The following SORCS3 variants were observed in gnomAD, a reference collection of about 807,000 sequenced individuals.
SORCS3 encodes the protein VPS10 domain-containing receptor SorCS3.
SORCS3 carries 57 observed loss-of-function variants against 146.3 expected under a neutral mutation model. That is an observed-to-expected ratio of 0.39 (90% CI 0.31 to 0.49). The LOEUF is 0.49. SORCS3 is among the 20% of genes least tolerant of loss of function. The pLI is 0.92. For synonymous variants in SORCS3, 653 were observed against 618.5 expected (o/e 1.06, Z -0.83); for missense variants, 1,341 against 1,575.5 (o/e 0.85, Z 2.52).
At chr10:104,907,615 A>C (rs1423361424) in intron 2 of SORCS3, among the ~76,000 whole-genome samples, 3 of 152,160 alleles carry the variant, frequency 2.0e-5, no homozygotes, top group African/African-American at 7.2e-5. Flanking sequence ...AATTTTCCGC[A>C]TTTAGAACCG....
chr10:104,807,432 C>T (rs1461988099), intron 1 of SORCS3, among the ~76,000 whole-genome samples: 1 of 152,100 alleles, frequency 6.6e-6, no homozygotes, highest in Non-Finnish European at 1.5e-5. Flanking sequence ...ACCATTTAAT[C>T]ATTTCCTTTA....
intron 1 of SORCS3, among the ~76,000 whole-genome samples, chr10:104,814,506 C>T (rs916317218): frequency 6.6e-6 from 1 of 152,138 alleles, no homozygotes; most frequent in East Asian, 1.9e-4. Context: ...TCCTATCTCC[C>T]GCCAATGCAT....
At chr10:104,733,520 ATTTTTTTTT>A (rs34203788) in intron 1 of SORCS3, among the ~76,000 whole-genome samples, 1 of 123,354 alleles carries the variant, frequency 8.1e-6, no homozygotes, top group Non-Finnish European at 1.7e-5. Context: ...CTGATGATTA[ATTTTTTTTT>A]TTTTTTTTTT....
chr10:105,085,130 A>G (rs940120922), intron 5 of SORCS3, among the ~76,000 whole-genome samples: 37 of 152,318 alleles, frequency 2.4e-4, no homozygotes, highest in African/African-American at 8.9e-4. Flanking sequence ...ACTGTGTGAG[A>G]GTGTTACTGC....
chr10:104,954,181 A>C (rs2019463186), intron 3 of SORCS3, among the ~76,000 whole-genome samples: 1 of 152,248 alleles, frequency 6.6e-6, no homozygotes, highest in Admixed American at 6.5e-5. Context: ...CCAAGAGGGA[A>C]TCTCAAAAGG....
chr10:104,801,419 T>C (rs1453930694), intron 1 of SORCS3, among the ~76,000 whole-genome samples: 1 of 152,208 alleles, frequency 6.6e-6, no homozygotes, highest in African/African-American at 2.4e-5. Context: ...ACTTGTAAAA[T>C]GGGAGTAAGA....
At chr10:104,903,140 C>G (rs566911668) in intron 2 of SORCS3, among the ~76,000 whole-genome samples, 1 of 152,186 alleles carries the variant, frequency 6.6e-6, no homozygotes, top group Non-Finnish European at 1.5e-5. Flanking sequence ...TTAACGTCTC[C>G]GAGTCTGTTT....
chr10:104,703,537 T>C (rs1424886326), intron 1 of SORCS3, among the ~76,000 whole-genome samples: 4 of 147,852 alleles, frequency 2.7e-5, no homozygotes, highest in Non-Finnish European at 4.4e-5. Flanking sequence ...CACTCATAAG[T>C]AGGAGTTGAA....
At chr10:104,700,965 A>G (rs1200921224) in intron 1 of SORCS3, among the ~76,000 whole-genome samples, 1 of 152,210 alleles carries the variant, frequency 6.6e-6, no homozygotes, top group Non-Finnish European at 1.5e-5. Context: ...ATAGAAGACT[A>G]TTATTGCTTA....
In SORCS3 at chr10:104,818,507, C is replaced by A. The variant is rs1039570121; in HGVS notation, c.628-24285C>A. Among the ~76,000 whole-genome samples the A allele has an allele frequency of 2.0e-5, 3 of 151,804 alleles. No homozygotes were observed. In the East Asian group the frequency reaches 5.8e-4, roughly 29 times the overall value. ...TAGACTCGGGGAGAGGTGGATGGAG[C>A]CTCCCTTCAAAAGAAGAGATATGAA... On this transcript the variant is annotated intron_variant, in intron 1 of 26. Coordinates refer to ENST00000369701, the MANE Select transcript of SORCS3 (RefSeq NM_014978.3).
intron 1 of SORCS3, among the ~76,000 whole-genome samples, chr10:104,643,522 G>A (rs2015453628): frequency 6.6e-6 from 1 of 152,130 alleles, no homozygotes; most frequent in Admixed American, 6.5e-5. Flanking sequence ...CCGTAGCCTC[G>A]GGCTGACAGC....
intron 3 of SORCS3, among the ~76,000 whole-genome samples, chr10:104,953,000 T>G (rs910775277): frequency 2.0e-5 from 3 of 152,202 alleles, no homozygotes; most frequent in Admixed American, 6.5e-5. Context: ...ACATAGGCTC[T>G]TCAGAGGAAA....
At chr10:105,009,075 G>C (rs2133679410) in intron 4 of SORCS3, among the ~76,000 whole-genome samples, 1 of 152,286 alleles carries the variant, frequency 6.6e-6, no homozygotes, top group Non-Finnish European at 1.5e-5. Context: ...GTTACTATAT[G>C]TCAGTCATGT....
intron 5 of SORCS3, among the ~76,000 whole-genome samples, chr10:105,067,473 G>A (rs1054109374): frequency 5.9e-5 from 9 of 152,246 alleles, no homozygotes; most frequent in African/African-American, 9.6e-5. Context: ...GTTGCAGTGA[G>A]TTGAGAGTGT....
At chr10:104,793,156 T>A (rs566549665) in intron 1 of SORCS3, among the ~76,000 whole-genome samples, 20 of 152,012 alleles carry the variant, frequency 1.3e-4, no homozygotes, top group Non-Finnish European at 2.4e-4. Flanking sequence ...AGGTGATTAT[T>A]TTTTTTTCAC....
chr10:104,925,657 T>C (rs1198920032), intron 3 of SORCS3, among the ~76,000 whole-genome samples: 3 of 152,222 alleles, frequency 2.0e-5, no homozygotes, highest in Non-Finnish European at 4.4e-5. Context: ...TTGAATGTTA[T>C]TATTGAAGGC....
At chr10:104,905,503 A>G (rs2018896216) in intron 2 of SORCS3, among the ~76,000 whole-genome samples, 2 of 152,192 alleles carry the variant, frequency 1.3e-5, no homozygotes, top group South Asian at 4.1e-4. Context: ...AATCTGTCTG[A>G]ATGTGACTAT....
intron 1 of SORCS3, among the ~76,000 whole-genome samples, chr10:104,788,915 G>A (rs2017466824): frequency 6.6e-6 from 1 of 152,174 alleles, no homozygotes; most frequent in African/African-American, 2.4e-5. Flanking sequence ...CACATAAATT[G>A]CATTTACACC....
intron 5 of SORCS3, among the ~76,000 whole-genome samples, chr10:105,088,208 C>T (rs1030550213): frequency 6.6e-6 from 1 of 152,174 alleles, no homozygotes; most frequent in East Asian, 1.9e-4. Context: ...CTTAGGCAGA[C>T]ATCCATTTTT....
Sources: gnomAD v4.1 joint callset for allele counts (sites outside exome capture counted in the v4.1 genomes callset) on GRCh38, gnomAD v4.1.1 for gene constraint, MANE v1.5 for transcripts, NCBI Gene and HGNC (gene_info 2026-07-23, HGNC 2026-07-21) for gene names.